The following DPP10 variants were observed in gnomAD, a reference collection of about 807,000 sequenced individuals.
DPP10 encodes inactive dipeptidyl peptidase 10.
A neutral mutation model predicts 120.9 loss-of-function variants in DPP10; 33 were observed. That is an observed-to-expected ratio of 0.27 (90% CI 0.21 to 0.37). The LOEUF (loss-of-function observed/expected upper bound fraction) is 0.37, where lower values mean the gene tolerates loss of function less well. DPP10 is among the 10% of genes least tolerant of loss of function. DPP10 has a pLI of 1.00. For synonymous variants in DPP10, 337 were observed against 326.1 expected, an observed-to-expected ratio of 1.03 and a Z score of -0.36; for missense variants, 816 against 942.8, an observed-to-expected ratio of 0.87 and a Z score of 1.76.
At chr2:114,714,756 A>G (rs1011238086) in intron 1 of DPP10, among the ~76,000 whole-genome samples, 3 of 152,102 alleles carry the variant, frequency 2.0e-5, no homozygotes, top group African/African-American at 4.8e-5. Context: ...GAGTAAGTCT[A>G]TGATTGTTTT....
intron 1 of DPP10, among the ~76,000 whole-genome samples, chr2:115,024,752 A>G (rs899406054): frequency 4.1e-5 from 6 of 147,752 alleles, no homozygotes; most frequent in Admixed American, 1.4e-4. Context: ...ATATATATTT[A>G]TATATAAATA....
intron 5 of DPP10, among the ~76,000 whole-genome samples, chr2:115,622,447 T>C (rs1180225553): frequency 2.0e-5 from 3 of 152,112 alleles, no homozygotes; most frequent in Non-Finnish European, 4.4e-5. Flanking sequence ...TTGGGTTGTT[T>C]CCATTTTTGA....
intron 1 of DPP10, among the ~76,000 whole-genome samples, chr2:114,994,993 T>G (rs765613137): frequency 6.6e-6 from 1 of 152,228 alleles, no homozygotes; most frequent in Non-Finnish European, 1.5e-5. Flanking sequence ...CTTCACGGTG[T>G]CTGGCCGTTT....
chr2:114,748,361 A>C (rs868052019), intron 1 of DPP10, among the ~76,000 whole-genome samples: 3 of 79,432 alleles, frequency 3.8e-5, no homozygotes, highest in African/African-American at 5.2e-5. Context: ...ATTTTTTTTT[A>C]TTTTATTTAT....
At chr2:115,355,719 A>G (rs2064335871) in intron 3 of DPP10, among the ~76,000 whole-genome samples, 1 of 152,004 alleles carries the variant, frequency 6.6e-6, no homozygotes, top group Non-Finnish European at 1.5e-5. Flanking sequence ...ATCCATCTTG[A>G]GTTAATTTTT....
At chr2:115,839,910 A>G (rs1443786402) in intron 24 of DPP10, among the ~76,000 whole-genome samples, 3 of 152,250 alleles carry the variant, frequency 2.0e-5, no homozygotes, top group African/African-American at 4.8e-5. Flanking sequence ...AGTATGCTCT[A>G]TATTAAATAG....
At chr2:115,104,469 C>A (rs1204614974) in intron 1 of DPP10, among the ~76,000 whole-genome samples, 1 of 152,128 alleles carries the variant, frequency 6.6e-6, no homozygotes, top group Non-Finnish European at 1.5e-5. Flanking sequence ...TTGATTGATT[C>A]ATAATTTCAT....
chr2:115,433,666 C>G (rs543575590), intron 3 of DPP10, among the ~76,000 whole-genome samples: 7 of 151,994 alleles, frequency 4.6e-5, no homozygotes, highest in African/African-American at 1.7e-4. Flanking sequence ...TATGGCTGCT[C>G]TCTACACTAG....
At position 114,603,887 on chromosome 2, in the gene DPP10, C is replaced by T. The variant is rs571184167; in HGVS notation, c.60+161049C>T. Among the ~76,000 whole-genome samples, 20 of 152,150 alleles carry T rather than the reference C, an allele frequency of 1.3e-4. No homozygotes were observed. The South Asian group carries it at 3.9e-3, about 30-fold the overall frequency. On this transcript the variant is annotated intron_variant, in intron 1 of 25. Coordinates refer to ENST00000410059, the MANE Select transcript of DPP10 (RefSeq NM_020868.6). Reference sequence around the variant, plus strand: ...GATTTGATGATTTGCTAGAAAGGCTCACAGGACTCATCTTGTAGTCATATA... The same window carrying T: ...GATTTGATGATTTGCTAGAAAGGCTTACAGGACTCATCTTGTAGTCATATA...
chr2:115,322,186 T>C (rs930734704), intron 2 of DPP10, among the ~76,000 whole-genome samples: 1 of 152,132 alleles, frequency 6.6e-6, no homozygotes, highest in Non-Finnish European at 1.5e-5. Flanking sequence ...CTTTTCTGGG[T>C]GGGCTTTTGT....
Position 115,079,374 on chromosome 2 carries a change from A to AAAAAAAAGAAAAAAAAAAAG in DPP10, c.61-229850_61-229849insAAAAGAAAAAAAGAAAAAAA, listed in dbSNP as rs770842747. On this transcript the variant is annotated intron_variant, in intron 1 of 25. Coordinates refer to ENST00000410059, the MANE Select transcript of DPP10 (RefSeq NM_020868.6). ...GAGCCAGACTCCGTCTCAAAAAACA[A>AAAAAAAAGAAAAAAAAAAAG]AAAAAAAGAAAAAAAGAAAATCCTT... is the stretch of plus-strand genomic sequence containing the variant. Among the ~76,000 whole-genome samples the AAAAAAAAGAAAAAAAAAAAG allele has an allele frequency of 7.9e-3, 1,207 of 151,898 alleles. 6 individuals carry two copies. Among genetic ancestry groups the AAAAAAAAGAAAAAAAAAAAG allele is most frequent in the Middle Eastern group, 0.021 (6 of 292 alleles).
At chr2:115,296,575 T>C (rs759156327) in intron 1 of DPP10, among the ~76,000 whole-genome samples, 3 of 152,198 alleles carry the variant, frequency 2.0e-5, no homozygotes, top group Non-Finnish European at 2.9e-5. Context: ...CTGGATCTTA[T>C]TTAACTGGGA....
intron 3 of DPP10, among the ~76,000 whole-genome samples, chr2:115,474,064 C>G (rs1241462209): frequency 6.6e-6 from 1 of 152,190 alleles, no homozygotes; most frequent in Non-Finnish European, 1.5e-5. Flanking sequence ...TCAGGAATGA[C>G]TCAATCCTGT....
At chr2:115,391,702 T>G (rs2106543725) in intron 3 of DPP10, among the ~76,000 whole-genome samples, 1 of 152,056 alleles carries the variant, frequency 6.6e-6, no homozygotes, top group African/African-American at 2.4e-5. Context: ...AATATATAAA[T>G]AATTTGTCCA....
intron 1 of DPP10, among the ~76,000 whole-genome samples, chr2:115,133,521 G>T (rs1357171234): frequency 3.9e-5 from 6 of 152,024 alleles, no homozygotes; most frequent in African/African-American, 1.4e-4. Flanking sequence ...AAAGATAAAT[G>T]AAAATAACAA....
intron 1 of DPP10, among the ~76,000 whole-genome samples, chr2:114,793,679 G>A (rs1054233649): frequency 2.6e-5 from 4 of 152,068 alleles, no homozygotes; most frequent in Non-Finnish European, 4.4e-5. Context: ...GGCTCAAAGC[G>A]CCTACTTTGG....
intron 1 of DPP10, among the ~76,000 whole-genome samples, chr2:115,186,498 G>C (rs943807795): frequency 1.3e-5 from 2 of 152,082 alleles, no homozygotes; most frequent in African/African-American, 4.8e-5. Flanking sequence ...GCTTATCCTT[G>C]GTGGTAGTAG....
rs546816522 is a variant in DPP10, at chr2:115,573,278, T to A, written c.441+47306T>A. Among the ~76,000 whole-genome samples the A allele has an allele frequency of 3.1e-4, 10 of 32,440 alleles. No homozygotes were observed. In the South Asian group the frequency reaches 7.2e-3, roughly 23 times the overall value. 21.3% of individuals were successfully genotyped at this position (32,440 alleles called of 152,430 possible). A position where few individuals can be genotyped will look rare whatever the true frequency, so the allele number is the denominator to read the frequency against. ...GCATGAAGCCCAGGCTTCCTGGGAT[T>A]TTTTTTTTTTTTTTTTTTTTTTGAG... On this transcript the variant is annotated intron_variant, in intron 5 of 25. Transcript: ENST00000410059.
chr2:114,732,390 T>C (rs1677006489), intron 1 of DPP10, among the ~76,000 whole-genome samples: 1 of 152,188 alleles, frequency 6.6e-6, no homozygotes, highest in African/African-American at 2.4e-5. Flanking sequence ...TGGCAGGTGC[T>C]AAACTCCAAA....
Sources: allele counts gnomAD v4.1 joint callset (sites outside exome capture counted in the v4.1 genomes callset), GRCh38; gene constraint gnomAD v4.1.1; transcripts MANE v1.5; gene names NCBI Gene and HGNC (gene_info 2026-07-23, HGNC 2026-07-21).